Variants in MYO3B observed in about 807,000 individuals in gnomAD.
The protein encoded by MYO3B is myosin-IIIb.
A neutral mutation model predicts 174.6 loss-of-function variants in MYO3B; 156 were observed. The observed-to-expected ratio is 0.89, with a 90% CI of 0.78 to 1.02. The LOEUF (loss-of-function observed/expected upper bound fraction) is 1.02, where lower values mean the gene tolerates loss of function less well. Ranked by LOEUF, MYO3B falls within the 50% of genes least tolerant of loss-of-function variation. The pLI, the probability that MYO3B is intolerant of heterozygous loss-of-function variation, is 0.00. For synonymous variants in MYO3B, 563 were observed against 569.1 expected, an observed-to-expected ratio of 0.99 and a Z score of 0.15; for missense variants, 1,632 against 1,639.4, an observed-to-expected ratio of 1.00 and a Z score of 0.08.
At chr2:170,434,629 G>C (rs773598104) in intron 22 of MYO3B, among the ~76,000 whole-genome samples, 37 of 152,176 alleles carry the variant, frequency 2.4e-4, no homozygotes, top group Non-Finnish European at 4.6e-4. Flanking sequence ...GGTGGAGCAG[G>C]TGATCAGAAT....
At chr2:170,314,838 A>G (rs2093763610) in intron 7 of MYO3B, among the ~76,000 whole-genome samples, 1 of 152,206 alleles carries the variant, frequency 6.6e-6, no homozygotes, top group South Asian at 2.1e-4. Context: ...GAATTAGAAT[A>G]CATAGAAGAC....
At chr2:170,244,836 T>A (rs942556145) in intron 7 of MYO3B, among the ~76,000 whole-genome samples, 2 of 152,180 alleles carry the variant, frequency 1.3e-5, no homozygotes, top group African/African-American at 4.8e-5. Flanking sequence ...CATAATATAT[T>A]TGTATCTTTG....
chr2:170,456,820 T>A (rs750211359), intron 23 of MYO3B, among the ~76,000 whole-genome samples: 10 of 152,252 alleles, frequency 6.6e-5, no homozygotes, highest in Non-Finnish European at 1.0e-4. Context: ...AATACAGTCA[T>A]CAGTCACTTA....
intron 32 of MYO3B, among the ~76,000 whole-genome samples, chr2:170,560,838 A>G (rs1691661647): frequency 6.6e-6 from 1 of 152,222 alleles, no homozygotes; most frequent in South Asian, 2.1e-4. Context: ...TCCAAAGCAC[A>G]GTTTCCATGC....
chr2:170,364,941 A>C (rs1009690277), intron 8 of MYO3B, among the ~76,000 whole-genome samples: 1 of 152,170 alleles, frequency 6.6e-6, no homozygotes, highest in Non-Finnish European at 1.5e-5. Context: ...TGGCCTCCTG[A>C]CTTACTGGCT....
At chr2:170,426,887 C>T (rs2094667325) in intron 22 of MYO3B, among the ~76,000 whole-genome samples, 1 of 152,042 alleles carries the variant, frequency 6.6e-6, no homozygotes, top group Admixed American at 6.6e-5. Context: ...GGCGTGGTGG[C>T]ATGCGCCTGT....
chr2:170,309,507 C>T (rs965273158), intron 7 of MYO3B, among the ~76,000 whole-genome samples: 3 of 152,104 alleles, frequency 2.0e-5, no homozygotes, highest in African/African-American at 7.2e-5. Flanking sequence ...GATATCTTCC[C>T]TGATTCTCTC....
chr2:170,611,064 A>C (rs975120276), intron 32 of MYO3B, among the ~76,000 whole-genome samples: 9 of 152,166 alleles, frequency 5.9e-5, no homozygotes, highest in East Asian at 5.8e-4. Flanking sequence ...GTGCTTTATT[A>C]ACCTCCATGT....
At position 170,404,316 on chromosome 2, in the gene MYO3B, A is replaced by G. The variant is rs1343383081; in HGVS notation, c.2347A>G (p.Met783Val). 6.2e-7 allele frequency: 1 copy of G among 1,613,960 alleles called. No homozygotes were observed. The highest frequency in any genetic ancestry group is 8.5e-7 in the Non-Finnish European group (1 of 1,179,916). ...TGAGGACAACCGCCCGCTCTTGGAC[A>G]TGTTCCTCCAGAAACCCCTGGGACT... The part of the protein sequence containing the change: ...EYEDNRPLLD[M>V]FLQKPLGLLA... Residue 783 changes from methionine (M) to valine (V), a missense_variant, in exon 20 of 35, where the codon ATG becomes GTG. Met to Val is a conservative substitution (Grantham distance 21, BLOSUM62 1). Coordinates refer to ENST00000408978, the MANE Select transcript of MYO3B (RefSeq NM_138995.5).
intron 7 of MYO3B, among the ~76,000 whole-genome samples, chr2:170,281,988 T>C (rs1423972952): frequency 6.6e-6 from 1 of 152,148 alleles, no homozygotes; most frequent in Non-Finnish European, 1.5e-5. Flanking sequence ...GAGTTCCTTG[T>C]GTATTCTGGA....
Position 170,443,988 on chromosome 2 carries a change from C to G in MYO3B, c.2672C>G (p.Ala891Gly), listed in dbSNP as rs756236127. 24 of 1,612,652 alleles carry G rather than the reference C, an allele frequency of 1.5e-5. No homozygotes were observed. The African/African-American group carries it at 2.5e-4, about 17-fold the overall frequency. Residue 891 changes from alanine to glycine, a missense_variant, in exon 23 of 35, where the codon GCT becomes GGT. Coordinates refer to ENST00000408978, the MANE Select transcript of MYO3B (RefSeq NM_138995.5). ...TCAGGTAATTTGGCCCAGACAAGAG[C>G]TAGGATAACAGTGGCCTCAAGTTCT... is the stretch of plus-strand genomic sequence containing the variant. ...TKTGNLAQTRARITVASSSLP... is the reference protein window; with the variant it reads ...TKTGNLAQTRGRITVASSSLP...
chr2:170,190,316 T>A (rs576099533), intron 1 of MYO3B, among the ~76,000 whole-genome samples: 1 of 152,198 alleles, frequency 6.6e-6, no homozygotes, highest in South Asian at 2.1e-4. Flanking sequence ...AGCACAGTAC[T>A]GGCTCTTGTC....
chr2:170,540,447 A>T (rs1056168834), intron 30 of MYO3B, among the ~76,000 whole-genome samples: 5 of 152,026 alleles, frequency 3.3e-5, no homozygotes, highest in Admixed American at 2.6e-4. Context: ...AAAATATTTT[A>T]AAAATTCAAT....
intron 22 of MYO3B, among the ~76,000 whole-genome samples, chr2:170,430,126 G>A (rs186519736): frequency 3.3e-5 from 5 of 151,668 alleles, no homozygotes; most frequent in Admixed American, 6.6e-5. Context: ...GGCTGAGTGC[G>A]TAGGTTTTGG....
At chr2:170,229,347 T>C (rs2092989679) in intron 6 of MYO3B, among the ~76,000 whole-genome samples, 2 of 152,214 alleles carry the variant, frequency 1.3e-5, no homozygotes, top group Non-Finnish European at 2.9e-5. Context: ...TTGCCTCTTA[T>C]TTAGCTGAAT....
At chr2:170,586,609 A>G (rs559124498) in intron 32 of MYO3B, among the ~76,000 whole-genome samples, 1 of 152,346 alleles carries the variant, frequency 6.6e-6, no homozygotes, top group African/African-American at 2.4e-5. Context: ...ACATGACCCA[A>G]AGAAATGGCT....
intron 8 of MYO3B, among the ~76,000 whole-genome samples, chr2:170,366,033 G>A (rs1180960364): frequency 6.6e-6 from 1 of 152,138 alleles, no homozygotes; most frequent in African/African-American, 2.4e-5. Context: ...GGAGGAGGGA[G>A]TGAAGTGAAA....
At chr2:170,618,976 A>C (rs1365383399) in intron 32 of MYO3B, among the ~76,000 whole-genome samples, 1 of 152,198 alleles carries the variant, frequency 6.6e-6, no homozygotes, top group African/African-American at 2.4e-5. Context: ...GCAAGATATT[A>C]ATCAGCAGTA....
At chr2:170,453,707 A>G (rs906333130) in intron 23 of MYO3B, among the ~76,000 whole-genome samples, 1 of 152,200 alleles carries the variant, frequency 6.6e-6, no homozygotes, top group Non-Finnish European at 1.5e-5. Flanking sequence ...GTTTTGCAAG[A>G]TGCTGCCCGA....
Sources: allele counts gnomAD v4.1 joint callset (sites outside exome capture counted in the v4.1 genomes callset), GRCh38; gene constraint gnomAD v4.1.1; transcripts MANE v1.5; gene names NCBI Gene and HGNC (gene_info 2026-07-23, HGNC 2026-07-21).